IGSF9B: variants seen among roughly 807,000 people sequenced by gnomAD.
IGSF9B encodes the protein protein turtle homolog B.
IGSF9B carries 48 observed loss-of-function variants against 143.7 expected under a neutral mutation model. The ratio of observed to expected loss-of-function variants is 0.33; its 90% CI spans 0.26 to 0.42. The LOEUF (loss-of-function observed/expected upper bound fraction) is 0.42. IGSF9B is among the 20% of genes least tolerant of loss of function. The pLI, the probability that IGSF9B is intolerant of heterozygous loss-of-function variation, is 1.00. For missense variants in IGSF9B, 1,706 were observed against 1,980.0 expected (o/e 0.86, Z 2.63); for synonymous variants, 903 against 833.1 (o/e 1.08, Z -1.44).
intron 3 of IGSF9B, among the ~76,000 whole-genome samples, chr11:133,940,642 C>T (rs1405919962): frequency 7.0e-6 from 1 of 143,430 alleles, no homozygotes; most frequent in African/African-American, 2.6e-5. Context: ...TCGCACGCGT[C>T]ATCACACGCA....
intron 1 of IGSF9B, among the ~76,000 whole-genome samples, chr11:133,950,719 G>A (rs865973988): frequency 1.3e-5 from 2 of 152,228 alleles, no homozygotes; most frequent in African/African-American, 2.4e-5. Context: ...CTCAGAAGGC[G>A]GCCGGGTGGG....
rs557679755 is a variant in IGSF9B at position 133,898,196 on chromosome 11, A to G, written c.*10873T>C. 1.3e-5 allele frequency: 2 copies of G among 152,232 alleles called. No individual in the cohort carries two copies. The highest frequency in any genetic ancestry group is 4.8e-5 in the African/African-American group (2 of 41,534). The allele number at this position is 152,232 out of a possible 1,614,324, so 9.4% of individuals were successfully genotyped here. On this transcript the variant is annotated 3_prime_UTR_variant, in exon 20 of 20. Coordinates refer to ENST00000533871, the MANE Select transcript of IGSF9B (RefSeq NM_001277285.4). ...CATGGATCGGGGGTCGCCCCCAAAGAAAGTGGAAGAAAGAAAGAGTTCGAA... is the reference window on the plus strand; with the variant it reads ...CATGGATCGGGGGTCGCCCCCAAAGGAAGTGGAAGAAAGAAAGAGTTCGAA...
chr11:133,952,465 G>A (rs1443257397), intron 1 of IGSF9B, among the ~76,000 whole-genome samples: 5 of 152,188 alleles, frequency 3.3e-5, no homozygotes, highest in African/African-American at 1.2e-4. Context: ...TCTCAGGGCT[G>A]CAGCACGGAG....
chr11:133,925,272 G>A lies in IGSF9B; in HGVS notation c.2035-368C>T, dbSNP rs184189035. 4.6e-5 allele frequency among the ~76,000 whole-genome samples: 7 copies of A among 152,326 alleles called. No homozygotes were observed. The East Asian group carries it at 1.4e-3, about 29-fold the overall frequency. ...GGAAACCAGCTGCTTCCTCTCCCCA[G>A]CTAGATATCCAAGTTTAACGGAGCT... On this transcript the variant is annotated intron_variant, in intron 14 of 19. Transcript: ENST00000533871.
rs942796789 is a variant in IGSF9B, at chr11:133,919,855, G to A, written c.3870C>T (p.Ala1290=). ...TGYPSPPPGP[A]PAGPGDSLDV... ...CCAAGCTGTCCCCAGGCCCAGCAGG[G>A]GCGGGGCCGGGTGGAGGGGAAGGGT... is the stretch of plus-strand genomic sequence containing the variant. Residue 1290 remains alanine (A), a synonymous_variant, in exon 18 of 20, where the codon GCC becomes GCT. Transcript: ENST00000533871. 1.2e-5 allele frequency: 19 copies of A among 1,586,760 alleles called. No homozygotes were observed. Among genetic ancestry groups the A allele is most frequent in the Non-Finnish European group, 1.4e-5 (16 of 1,166,116 alleles).
chr11:133,907,178 G>A lies in IGSF9B; in HGVS notation c.*1891C>T, dbSNP rs935916733. On this transcript the variant is annotated 3_prime_UTR_variant, in exon 20 of 20. Coordinates refer to ENST00000533871, the MANE Select transcript of IGSF9B (RefSeq NM_001277285.4). The stretch of plus-strand genomic sequence containing the variant: ...CTTCAGATGTGTTCAGAAAGGAACT[G>A]CGGTGGTGTTACTTGCACGGTAAAC... Among the ~76,000 whole-genome samples the A allele has an allele frequency of 1.3e-5, 2 of 152,186 alleles. No homozygotes were observed. Among genetic ancestry groups the A allele is most frequent in the African/African-American group, 4.8e-5 (2 of 41,460 alleles).
In IGSF9B at chr11:133,898,161, G is replaced by A. The variant is rs1939051955; in HGVS notation, c.*10908C>T. ...AACGAGGTTGGAACGGTCTTCACAG[G>A]AAGACCTGGCATGGATCGGGGGTCG... On this transcript the variant is annotated 3_prime_UTR_variant, in exon 20 of 20. Transcript: ENST00000533871. 6.6e-6 allele frequency: 1 copy of A among 152,248 alleles called. No homozygotes were observed. Among genetic ancestry groups the A allele is most frequent in the South Asian group, 2.1e-4 (1 of 4,834 alleles). 9.4% of individuals were successfully genotyped at this position (152,248 alleles called of 1,614,324 possible). A position where few individuals can be genotyped will look rare whatever the true frequency, so the allele number is the denominator to read the frequency against.
chr11:133,920,740 G>GA lies in IGSF9B; in HGVS notation c.2984dup (p.Met996HisfsTer43). 1 of 1,613,048 alleles carries GA rather than the reference G, an allele frequency of 6.2e-7. No individual in the cohort carries two copies. On this transcript the variant is annotated frameshift_variant, in exon 18 of 20. Transcript: ENST00000533871. LOFTEE classifies it high-confidence loss of function. ...CGGTGGGCAGGGGCGGGGACGACAT[G>GA]ACGGAGCTCAGGGGGCTGCCCACTT... is the stretch of plus-strand genomic sequence containing the variant.
At chr11:133,917,055 T>C (rs140476560) in intron 18 of IGSF9B, among the ~76,000 whole-genome samples, 5 of 152,186 alleles carry the variant, frequency 3.3e-5, no homozygotes, top group Non-Finnish European at 4.4e-5. Context: ...TAGGAATGAA[T>C]GAGATTTATA....
Position 133,931,953 on chromosome 11 carries a change from T to C in IGSF9B, c.1110+118A>G. On this transcript the variant is annotated intron_variant, in intron 8 of 19. Coordinates refer to ENST00000533871, the MANE Select transcript of IGSF9B (RefSeq NM_001277285.4). The surrounding 1 kb of genome is among the most constrained non-coding windows in gnomAD (Gnocchi z 7.7). ...AGACCCCTACAGAAGCAGCTCTCTG[T>C]TTGCCCAGGGCTTTTGGAAGGGGCC... The C allele has an allele frequency of 6.7e-7, 1 of 1,495,022 alleles. No individual in the cohort carries two copies. Among genetic ancestry groups the C allele is most frequent in the South Asian group, 1.3e-5 (1 of 76,260 alleles). The allele number at this position is 1,495,022 out of a possible 1,614,324, so 92.6% of individuals were successfully genotyped here.
intron 18 of IGSF9B, among the ~76,000 whole-genome samples, chr11:133,915,480 A>T (rs574210207): frequency 6.6e-6 from 1 of 152,078 alleles, no homozygotes; most frequent in African/African-American, 2.4e-5. Flanking sequence ...TATGTTGCCC[A>T]GGCTGGCCTT....
chr11:133,922,054 C>T (rs1939548866), intron 17 of IGSF9B, 123 bp downstream of exon 17: 1 of 794,472 alleles, frequency 1.3e-6, no homozygotes, highest in East Asian at 2.7e-5. Context: ...GTACAATTAA[C>T]ACACAGGTCA....
intron 1 of IGSF9B, chr11:133,952,179 ATTCCC>A: frequency 2.5e-6 from 1 of 403,752 alleles, no homozygotes; most frequent in Non-Finnish European, 5.2e-6. Flanking sequence ...AAGCAGGAAG[ATTCCC>A]AAGAAAAATA....
Position 133,944,373 on chromosome 11 carries a change from G to A in IGSF9B, c.263-7C>T, listed in dbSNP as rs761355108. ...TCATGAAGACTGGCCCGGCCTGGGG[G>A]AATAGAGCAGACAAAAGCCCCACAG... On this transcript the variant is annotated splice_polypyrimidine_tract_variant and splice_region_variant and intron_variant, in intron 2 of 19. Coordinates refer to ENST00000533871, the MANE Select transcript of IGSF9B (RefSeq NM_001277285.4). 2.5e-6 allele frequency: 4 copies of A among 1,612,600 alleles called. No individual in the cohort carries two copies. The highest frequency in any genetic ancestry group is 4.5e-5 in the East Asian group (2 of 44,858).
In IGSF9B at chr11:133,948,621, G is replaced by C. The variant is rs1037689502; in HGVS notation, c.65-2363C>G. ...TGCCATGAGTTTGCAGAGAAGCTGT[G>C]TGTGTGTGTGTGTGTGTGTGTGTGT... On this transcript the variant is annotated intron_variant, in intron 1 of 19. Transcript: ENST00000533871. This position sits in a 1 kb window ranked among gnomAD's most constrained non-coding sequence, Gnocchi z 4.7. 2.3e-4 allele frequency among the ~76,000 whole-genome samples: 5 copies of C among 21,302 alleles called. No individual in the cohort carries two copies. Among genetic ancestry groups the C allele is most frequent in the Admixed American group, 2.2e-3 (3 of 1,340 alleles). The allele number at this position is 21,302 out of a possible 152,430, so 14.0% of individuals were successfully genotyped here. A position where few individuals can be genotyped will look rare whatever the true frequency, so the allele number is the denominator to read the frequency against.
rs756662862 is a variant in IGSF9B, at chr11:133,920,835, C to T, written c.2890G>A (p.Gly964Ser). The T allele has an allele frequency of 2.5e-6, 4 of 1,601,484 alleles. No individual in the cohort carries two copies. Among genetic ancestry groups the T allele is most frequent in the African/African-American group, 2.7e-5 (2 of 74,552 alleles). ...CTGCTGAGGTACCCATAATACTGGC[C>T]ATGGTGGAAGGGCCGGGGGGCAGGG... ...RPPAPRPFHH[G>S]QYYGYLSSSS... The change falls in exon 18 of 20, where the codon GGC becomes AGC. Residue 964 changes from glycine to serine, a missense_variant. Transcript: ENST00000533871.
At chr11:133,950,120 C>A (rs1008142379) in intron 1 of IGSF9B, among the ~76,000 whole-genome samples, 1 of 152,206 alleles carries the variant, frequency 6.6e-6, no homozygotes, top group Non-Finnish European at 1.5e-5. Context: ...GAGTCCAGGG[C>A]TGCCGTTGGA....
rs894926729 is a variant in IGSF9B, at chr11:133,937,600, G to A, written c.562-107C>T. ...GACACTAAGGTGGAGATGACCACAG[G>A]GACAGATGCATCTGGGGGACACGAA... On this transcript the variant is annotated intron_variant, in intron 4 of 19. Transcript: ENST00000533871. 7 of 1,041,960 alleles carry A rather than the reference G, an allele frequency of 6.7e-6. No individual in the cohort carries two copies. In the African/African-American group the frequency reaches 1.1e-4, roughly 16 times the overall value. 64.5% of individuals were successfully genotyped at this position (1,041,960 alleles called of 1,614,324 possible).
At chr11:133,944,899 G>A (rs1940018581) in intron 2 of IGSF9B, among the ~76,000 whole-genome samples, 1 of 152,098 alleles carries the variant, frequency 6.6e-6, no homozygotes, top group South Asian at 2.1e-4. Context: ...AGGATGCTAG[G>A]GTCCCCTCCC....
Sources: allele counts gnomAD v4.1 joint callset (sites outside exome capture counted in the v4.1 genomes callset), GRCh38; gene constraint gnomAD v4.1.1; non-coding constraint Gnocchi (gnomAD v3.1); transcripts MANE v1.5; gene names NCBI Gene and HGNC (gene_info 2026-07-23, HGNC 2026-07-21).